Variants in GAP43 observed in about 807,000 individuals in gnomAD.
GAP43 encodes growth associated protein 43.
A neutral mutation model predicts 18.6 loss-of-function variants in GAP43; 6 were observed. The observed-to-expected ratio is 0.32, with a 90% CI of 0.18 to 0.64. The LOEUF (loss-of-function observed/expected upper bound fraction) is 0.64. GAP43 is among the 30% of genes least tolerant of loss of function. GAP43 has a pLI of 0.78. For missense variants in GAP43, 292 were observed against 295.5 expected (o/e 0.99, Z 0.09); for synonymous variants, 115 against 111.4 (o/e 1.03, Z -0.20).
chr3:115,707,125 A>G (rs1452339738), intron 2 of GAP43, among the ~76,000 whole-genome samples: 1 of 152,172 alleles, frequency 6.6e-6, no homozygotes, highest in Non-Finnish European at 1.5e-5. Flanking sequence ...CAACACTTAT[A>G]AGCGCTTACT....
At chr3:115,649,409 T>C (rs1489822977) in intron 1 of GAP43, among the ~76,000 whole-genome samples, 4 of 152,002 alleles carry the variant, frequency 2.6e-5, no homozygotes, top group Non-Finnish European at 5.9e-5. Context: ...CAGTGTCGAA[T>C]GGAGAAAGAG....
intron 1 of GAP43, among the ~76,000 whole-genome samples, chr3:115,624,755 C>T (rs1321417741): frequency 1.3e-5 from 2 of 151,942 alleles, no homozygotes; most frequent in Admixed American, 6.6e-5. Flanking sequence ...TGTGGTATTC[C>T]GCAGCAACCG....
intron 1 of GAP43, among the ~76,000 whole-genome samples, chr3:115,639,139 T>TA: frequency 6.6e-6 from 1 of 152,064 alleles, no homozygotes; most frequent in Non-Finnish European, 1.5e-5. Context: ...TTGGCCAGCT[T>TA]ACAATGATCA....
intron 2 of GAP43, among the ~76,000 whole-genome samples, chr3:115,688,464 C>G (rs904541071): frequency 3.6e-5 from 4 of 110,744 alleles, no homozygotes; most frequent in Non-Finnish European, 5.5e-5. Context: ...TTAAAAAACT[C>G]TATCTATACA....
At chr3:115,691,486 T>C (rs1241215588) in intron 2 of GAP43, among the ~76,000 whole-genome samples, 1 of 152,240 alleles carries the variant, frequency 6.6e-6, no homozygotes, top group African/African-American at 2.4e-5. Flanking sequence ...AAATAGATCA[T>C]GTGTAAAAGG....
At chr3:115,714,392 A>G (rs1001152163) in intron 2 of GAP43, among the ~76,000 whole-genome samples, 1 of 152,132 alleles carries the variant, frequency 6.6e-6, no homozygotes, top group African/African-American at 2.4e-5. Context: ...TCAAGGCTAA[A>G]ATGCCATGGC....
chr3:115,648,010 G>T (rs992760482), intron 1 of GAP43, among the ~76,000 whole-genome samples: 1 of 152,036 alleles, frequency 6.6e-6, no homozygotes, highest in Non-Finnish European at 1.5e-5. Flanking sequence ...GAAGAAAAAT[G>T]GGTCATTTTC....
At chr3:115,668,501 C>T (rs560591889) in intron 1 of GAP43, among the ~76,000 whole-genome samples, 46 of 152,198 alleles carry the variant, frequency 3.0e-4, no homozygotes, top group Non-Finnish European at 4.1e-4. Context: ...CTCAGCTCAT[C>T]GCAACCTCCG....
At chr3:115,668,793 C>A (rs1249365385) in intron 1 of GAP43, among the ~76,000 whole-genome samples, 1 of 152,060 alleles carries the variant, frequency 6.6e-6, no homozygotes, top group Non-Finnish European at 1.5e-5. Context: ...AATCCCAGCA[C>A]TTTGGGAGGC....
chr3:115,699,588 A>G (rs1417397268), intron 2 of GAP43, among the ~76,000 whole-genome samples: 1 of 152,246 alleles, frequency 6.6e-6, no homozygotes, highest in East Asian at 1.9e-4. Context: ...AGCAGGCATT[A>G]ATACCAACAC....
chr3:115,687,915 A>G (rs995696273), intron 2 of GAP43, among the ~76,000 whole-genome samples: 3 of 152,156 alleles, frequency 2.0e-5, no homozygotes, highest in Non-Finnish European at 2.9e-5. Flanking sequence ...ACAAACAGAT[A>G]CTGCTCAAAT....
chr3:115,632,316 G>C (rs910159707), intron 1 of GAP43, among the ~76,000 whole-genome samples: 4 of 152,050 alleles, frequency 2.6e-5, no homozygotes, highest in Non-Finnish European at 5.9e-5. Flanking sequence ...AGTTTGGTTG[G>C]GGGAAGCACA....
chr3:115,634,634 G>C (rs1321812877), intron 1 of GAP43, among the ~76,000 whole-genome samples: 1 of 152,042 alleles, frequency 6.6e-6, no homozygotes, highest in Non-Finnish European at 1.5e-5. Context: ...GCTGGGTGTG[G>C]TGGTACATAC....
At chr3:115,665,194 C>G (rs1017457134) in intron 1 of GAP43, among the ~76,000 whole-genome samples, 4 of 152,146 alleles carry the variant, frequency 2.6e-5, no homozygotes, top group Non-Finnish European at 5.9e-5. Context: ...TCACTCAGCT[C>G]TCTCTTGCAA....
chr3:115,633,316 C>G (rs1224038496), intron 1 of GAP43, among the ~76,000 whole-genome samples: 3 of 152,056 alleles, frequency 2.0e-5, no homozygotes, highest in African/African-American at 7.2e-5. Flanking sequence ...GCAACTGCCA[C>G]AGGGCCGATA....
chr3:115,636,296 C>T (rs948048169), intron 1 of GAP43, among the ~76,000 whole-genome samples: 6 of 152,090 alleles, frequency 3.9e-5, no homozygotes, highest in African/African-American at 1.4e-4. Context: ...CAGCTCATAA[C>T]AGAAATAATT....
chr3:115,640,276 G>A (rs981470346), intron 1 of GAP43, among the ~76,000 whole-genome samples: 3 of 151,902 alleles, frequency 2.0e-5, no homozygotes, highest in Non-Finnish European at 2.9e-5. Context: ...TAATTATGTC[G>A]AAGGTGAAGA....
At chr3:115,684,818 A>C (rs1157668346) in intron 2 of GAP43, among the ~76,000 whole-genome samples, 5 of 152,216 alleles carry the variant, frequency 3.3e-5, no homozygotes, top group African/African-American at 7.2e-5. Flanking sequence ...ATTATCCAGG[A>C]AGAGTTCTTG....
At chr3:115,649,039 A>G (rs766959542) in intron 1 of GAP43, among the ~76,000 whole-genome samples, 18 of 152,164 alleles carry the variant, frequency 1.2e-4, no homozygotes, top group Non-Finnish European at 2.2e-4. Flanking sequence ...GGCATAGACC[A>G]CAAATCTAGA....
Sources: allele counts gnomAD v4.1 joint callset (sites outside exome capture counted in the v4.1 genomes callset), GRCh38; gene constraint gnomAD v4.1.1; transcripts MANE v1.5; gene names NCBI Gene and HGNC (gene_info 2026-07-23, HGNC 2026-07-21).